VPS13A: variants seen among roughly 807,000 people sequenced by gnomAD.
VPS13A encodes intermembrane lipid transfer protein VPS13A.
In VPS13A, 264 loss-of-function variants were observed where a neutral mutation model predicts 390.9. The ratio of observed to expected loss-of-function variants is 0.68; its 90% confidence interval spans 0.61 to 0.75. The LOEUF (loss-of-function observed/expected upper bound fraction) is 0.75. Among genes scored for constraint, VPS13A ranks in the 30% least tolerant of loss-of-function variants. VPS13A has a pLI of 0.00. For synonymous variants in VPS13A, 1,231 were observed against 1,227.1 expected, an observed-to-expected ratio of 1.00 and a Z score of -0.07; for missense variants, 3,409 against 3,733.9, an observed-to-expected ratio of 0.91 and a Z score of 2.27.
chr9:77,379,673 C>G (rs1833324161), intron 67 of VPS13A, among the ~76,000 whole-genome samples: 2 of 152,202 alleles, frequency 1.3e-5, no homozygotes, highest in Admixed American at 6.5e-5. Context: ...CACGCCTGGC[C>G]TATTTTCAGT....
At chr9:77,407,807 A>G in intron 71 of VPS13A, 200 bp downstream of exon 71, 1 of 533,302 alleles carries the variant, frequency 1.9e-6, no homozygotes, top group Non-Finnish European at 3.3e-6. Context: ...TCAATTCGGC[A>G]TACCTACTTG....
At chr9:77,251,625 T>A (rs965062840) in intron 21 of VPS13A, among the ~76,000 whole-genome samples, 1 of 152,188 alleles carries the variant, frequency 6.6e-6, no homozygotes, top group Non-Finnish European at 1.5e-5. Context: ...ATTTTTTCTT[T>A]TACCAGTAAT....
chr9:77,355,088 C>T (rs905602699), intron 54 of VPS13A, among the ~76,000 whole-genome samples: 6 of 152,136 alleles, frequency 3.9e-5, no homozygotes, highest in Admixed American at 3.9e-4. Context: ...CTACCTGTTG[C>T]TCATTTCTTT....
rs367807671 is a variant in VPS13A at position 77,210,693 on chromosome 9, G to T, written c.555+18G>T. 3.1e-6 allele frequency: 5 copies of T among 1,610,912 alleles called. No homozygotes were observed. The highest frequency in any genetic ancestry group is 4.2e-6 in the Non-Finnish European group (5 of 1,177,608). On this transcript the variant is annotated intron_variant, in intron 7 of 71. Coordinates refer to ENST00000360280, the MANE Select transcript of VPS13A (RefSeq NM_033305.3). ...GCATGCAGGTATTTTGTTTATAAAA[G>T]AATCTTAACCATATTTAATGTGCAA... is the stretch of plus-strand genomic sequence containing the variant.
intron 1 of VPS13A, among the ~76,000 whole-genome samples, chr9:77,180,185 A>G (rs891733911): frequency 2.1e-5 from 3 of 145,348 alleles, no homozygotes; most frequent in Non-Finnish European, 3.1e-5. Flanking sequence ...ACATTCATGT[A>G]CAAGTTTTTT....
intron 68 of VPS13A, among the ~76,000 whole-genome samples, chr9:77,388,743 G>A (rs117283878): frequency 1.3e-5 from 2 of 152,238 alleles, no homozygotes; most frequent in East Asian, 3.9e-4. Flanking sequence ...CAGAGATTTA[G>A]CTAAGTATAC....
At chr9:77,177,893 G>C (rs1273882249) in intron 1 of VPS13A, 89 bp downstream of exon 1, 2 of 1,241,912 alleles carry the variant, frequency 1.6e-6, no homozygotes, top group East Asian at 2.6e-5. Context: ...TCGGGGCTTC[G>C]AGCACCTTGC....
intron 45 of VPS13A, among the ~76,000 whole-genome samples, chr9:77,331,609 A>G (rs1830278837): frequency 1.3e-5 from 2 of 151,930 alleles, no homozygotes; most frequent in Admixed American, 6.6e-5. Flanking sequence ...CCCTTTGTCA[A>G]GTATATTACA....
At chr9:77,344,795 A>G (rs1418722867) in intron 51 of VPS13A, among the ~76,000 whole-genome samples, 1 of 152,098 alleles carries the variant, frequency 6.6e-6, no homozygotes, top group Non-Finnish European at 1.5e-5. Flanking sequence ...AATGCCTGGA[A>G]TACTAGAATA....
chr9:77,302,854 C>CT (rs1325510937), intron 33 of VPS13A, 61 bp from the exon 34 acceptor site: 3 of 1,523,024 alleles, frequency 2.0e-6, no homozygotes, highest in East Asian at 2.3e-5. Flanking sequence ...TTAAGTTAAT[C>CT]TTTTTTTAAC....
Position 77,260,066 on chromosome 9 carries a change from T to C in VPS13A, c.2289-20T>C, listed in dbSNP as rs1825669075. ...AGAATAATTCCTTTATAATTACTTA[T>C]TTTTATCTTTTCAAAACAGATTCAA... On this transcript the variant is annotated intron_variant, in intron 22 of 71. Transcript: ENST00000360280. 7.2e-7 allele frequency: 1 copy of C among 1,393,034 alleles called. No homozygotes were observed. The highest frequency in any genetic ancestry group is 1.0e-6 in the Non-Finnish European group (1 of 997,860). 86.3% of individuals were successfully genotyped at this position (1,393,034 alleles called of 1,614,324 possible). A position where few individuals can be genotyped will look rare whatever the true frequency, so the allele number is the denominator to read the frequency against.
Position 77,257,209 on chromosome 9 carries a change from C to G in VPS13A, c.2289-2877C>G, listed in dbSNP as rs191762134. On this transcript the variant is annotated intron_variant, in intron 22 of 71. Transcript: ENST00000360280. ...TACCATAGAGATTGTGTATAATATC[C>G]TCAAGTTATAACAGTCTATTTATTT... Among the ~76,000 whole-genome samples, 270 of 151,844 alleles carry G rather than the reference C, an allele frequency of 1.8e-3. 3 individuals carry two copies. Among genetic ancestry groups the G allele is most frequent in the African/African-American group, 6.3e-3 (261 of 41,450 alleles).
At chr9:77,371,211 T>G in intron 67 of VPS13A, 62 bp downstream of exon 67, 2 of 1,608,476 alleles carry the variant, frequency 1.2e-6, no homozygotes, top group Non-Finnish European at 1.7e-6. Context: ...ATGGAATTTA[T>G]CTGCTCTTTG....
At chr9:77,186,628 G>A (rs1470619906) in intron 1 of VPS13A, among the ~76,000 whole-genome samples, 1 of 151,988 alleles carries the variant, frequency 6.6e-6, no homozygotes, top group African/African-American at 2.4e-5. Context: ...AGTAGAAATG[G>A]GGTTTCACTA....
intron 3 of VPS13A, 121 bp from the exon 4 acceptor site, chr9:77,205,192 C>A: frequency 2.4e-6 from 1 of 421,732 alleles, no homozygotes; most frequent in Non-Finnish European, 4.3e-6. Context: ...AGTGATTAAA[C>A]GCTTAAGGAC....
chr9:77,393,541 A>G (rs1019620385), intron 68 of VPS13A, among the ~76,000 whole-genome samples: 2 of 152,232 alleles, frequency 1.3e-5, no homozygotes, highest in Admixed American at 6.5e-5. Flanking sequence ...CTTAAATAAT[A>G]AGACTTGAAA....
At chr9:77,379,549 T>C (rs1023692716) in intron 67 of VPS13A, among the ~76,000 whole-genome samples, 1 of 152,030 alleles carries the variant, frequency 6.6e-6, no homozygotes, top group Non-Finnish European at 1.5e-5. Context: ...CATTTTTGTA[T>C]TTTTAGTAGA....
chr9:77,390,210 C>T lies in VPS13A; in HGVS notation c.9189+8123C>T, dbSNP rs115532819. 450 of 717,948 alleles carry T rather than the reference C, an allele frequency of 6.3e-4. 3 individuals are homozygous for T. In the African/African-American group the frequency reaches 8.1e-3, roughly 13 times the overall value. 44.5% of individuals were successfully genotyped at this position (717,948 alleles called of 1,614,324 possible). On this transcript the variant is annotated intron_variant, in intron 68 of 71. Coordinates refer to ENST00000360280, the MANE Select transcript of VPS13A (RefSeq NM_033305.3). The stretch of plus-strand genomic sequence containing the variant: ...CTCTTCATTTTATAGCTCTTCCTCT[C>T]CAGAAGGATACTTCTGAATGGGATG...
In VPS13A at chr9:77,205,207, G is replaced by A. The variant is rs917683770; in HGVS notation, c.188-106G>A. The stretch of plus-strand genomic sequence containing the variant: ...AGTGATTAAACGCTTAAGGACAAAG[G>A]CCACTTTATTATCTCTTCAATGCCT... On this transcript the variant is annotated intron_variant, in intron 3 of 71. Transcript: ENST00000360280. 13 of 472,852 alleles carry A rather than the reference G, an allele frequency of 2.7e-5. No individual in the cohort carries two copies. The African/African-American group carries it at 2.9e-4, about 10-fold the overall frequency. 29.3% of individuals were successfully genotyped at this position (472,852 alleles called of 1,614,324 possible).
Sources: gnomAD v4.1 joint callset for allele counts (sites outside exome capture counted in the v4.1 genomes callset) on GRCh38, gnomAD v4.1.1 for gene constraint, MANE v1.5 for transcripts, NCBI Gene and HGNC (gene_info 2026-07-23, HGNC 2026-07-21) for gene names.